The following IPCEF1 variants were observed in gnomAD, a reference collection of about 807,000 sequenced individuals.
IPCEF1 encodes interaction protein for cytohesin exchange factors 1.
A neutral mutation model predicts 50.9 loss-of-function variants in IPCEF1; 31 were observed. The observed-to-expected ratio is 0.61, with a 90% confidence interval of 0.46 to 0.82. The LOEUF is 0.82. Ranked by LOEUF, IPCEF1 falls within the 40% of genes least tolerant of loss-of-function variation. The pLI is 0.00. For missense variants in IPCEF1, 458 were observed against 514.0 expected (o/e 0.89, Z 1.05); for synonymous variants, 181 against 192.0 (o/e 0.94, Z 0.47).
At chr6:154,259,506 GC>G (rs1393365441) in intron 3 of IPCEF1, among the ~76,000 whole-genome samples, 1 of 152,050 alleles carries the variant, frequency 6.6e-6, no homozygotes, top group Non-Finnish European at 1.5e-5. Flanking sequence ...TACAAAATTA[GC>G]CGGGCGTGGT....
In IPCEF1 at chr6:154,193,816, C is replaced by T. The variant is rs746374777; in HGVS notation, c.910+5852G>A. ...ATTAATTTAGAAATGACCCCAGCATCAAACATGACAATACTCCCTATTTTT... is the reference window on the plus strand; with the variant it reads ...ATTAATTTAGAAATGACCCCAGCATTAAACATGACAATACTCCCTATTTTT... On this transcript the variant is annotated intron_variant, in intron 10 of 11. Coordinates refer to ENST00000367220, the MANE Select transcript of IPCEF1 (RefSeq NM_001130700.2). Among the ~76,000 whole-genome samples, 92 of 152,344 alleles carry T rather than the reference C, an allele frequency of 6.0e-4. 1 individual carries two copies. The highest frequency in any genetic ancestry group is 1.2e-3 in the Non-Finnish European group (81 of 68,028).
At position 154,247,403 on chromosome 6, in the gene IPCEF1, C is replaced by G. The variant is rs774793037; in HGVS notation, c.76+46G>C. On this transcript the variant is annotated intron_variant, in intron 4 of 11. Coordinates refer to ENST00000367220, the MANE Select transcript of IPCEF1 (RefSeq NM_001130700.2). Reference sequence around the variant, plus strand: ...AGGCACCCCGGAGAAAAGCCACACTCAACGTACACAAAATGGAGATAAAGA... The same window carrying G: ...AGGCACCCCGGAGAAAAGCCACACTGAACGTACACAAAATGGAGATAAAGA... The G allele has an allele frequency of 5.9e-6, 9 of 1,526,128 alleles. No individual in the cohort carries two copies. The East Asian group carries it at 2.0e-4, about 34-fold the overall frequency. The allele number at this position is 1,526,128 out of a possible 1,614,324, so 94.5% of individuals were successfully genotyped here.
intron 1 of IPCEF1, among the ~76,000 whole-genome samples, chr6:154,316,310 C>T (rs77267984): frequency 0.051 from 7,752 of 152,186 alleles, 267 homozygotes; most frequent in Non-Finnish European, 0.076. Flanking sequence ...CTTTTATATG[C>T]ACTGGGAAAC....
chr6:154,190,098 A>G (rs1454764210), intron 10 of IPCEF1, among the ~76,000 whole-genome samples: 1 of 152,184 alleles, frequency 6.6e-6, no homozygotes, highest in Non-Finnish European at 1.5e-5. Flanking sequence ...TACTTCCTAT[A>G]CTTATATTGA....
chr6:154,173,911 G>T (rs2128559502), intron 10 of IPCEF1, among the ~76,000 whole-genome samples: 1 of 152,262 alleles, frequency 6.6e-6, no homozygotes, highest in Admixed American at 6.5e-5. Flanking sequence ...AATGTTAAGG[G>T]CAGTCAGAGA....
chr6:154,192,123 C>A (rs4354165), intron 10 of IPCEF1, among the ~76,000 whole-genome samples: 14,404 of 152,246 alleles, frequency 0.095, 1,077 homozygotes, highest in African/African-American at 0.21. Flanking sequence ...TAGGGGTATA[C>A]ACCTGGAAGT....
rs530289260 is a variant in IPCEF1 at position 154,304,327 on chromosome 6, G to A, written c.-61-14571C>T. Reference sequence around the variant, plus strand: ...GAACAAAAGTCTGCTCTTCCTTAAAGAGTATAGTATTCGTGCCAATTTTTT... The same window carrying A: ...GAACAAAAGTCTGCTCTTCCTTAAAAAGTATAGTATTCGTGCCAATTTTTT... On this transcript the variant is annotated intron_variant, in intron 1 of 11. Coordinates refer to ENST00000367220, the MANE Select transcript of IPCEF1 (RefSeq NM_001130700.2). 1.1e-4 allele frequency among the ~76,000 whole-genome samples: 16 copies of A among 152,308 alleles called. 1 individual carries two copies. In the South Asian group the frequency reaches 3.3e-3, roughly 32 times the overall value.
At chr6:154,304,740 T>C (rs1232027900) in intron 1 of IPCEF1, among the ~76,000 whole-genome samples, 4 of 152,150 alleles carry the variant, frequency 2.6e-5, no homozygotes, top group African/African-American at 4.8e-5. Context: ...ACCTGGGAAA[T>C]TTCCTGCCTG....
chr6:154,211,353 G>A (rs764920664), intron 9 of IPCEF1, among the ~76,000 whole-genome samples: 23 of 151,616 alleles, frequency 1.5e-4, no homozygotes, highest in African/African-American at 1.9e-4. Context: ...AGCTTGCAGT[G>A]AGCCAAGATT....
At chr6:154,310,590 T>A (rs564972034) in intron 1 of IPCEF1, among the ~76,000 whole-genome samples, 1 of 152,218 alleles carries the variant, frequency 6.6e-6, no homozygotes, top group Non-Finnish European at 1.5e-5. Flanking sequence ...TGTACTCCCA[T>A]GTTTATTTCA....
At chr6:154,164,279 C>T (rs1239745646) in intron 11 of IPCEF1, among the ~76,000 whole-genome samples, 2 of 152,184 alleles carry the variant, frequency 1.3e-5, no homozygotes, top group Non-Finnish European at 2.9e-5. Flanking sequence ...GTCTCTTCAA[C>T]TTTGGGCATT....
intron 2 of IPCEF1, among the ~76,000 whole-genome samples, chr6:154,270,158 A>T (rs894976209): frequency 6.6e-6 from 1 of 152,236 alleles, no homozygotes; most frequent in African/African-American, 2.4e-5. Flanking sequence ...AAAATAGATA[A>T]GACCCTAACG....
At chr6:154,251,996 G>A (rs912569333) in intron 3 of IPCEF1, among the ~76,000 whole-genome samples, 12 of 152,198 alleles carry the variant, frequency 7.9e-5, no homozygotes, top group African/African-American at 2.9e-4. Context: ...TGTTTCAGCA[G>A]TAAAGATACT....
intron 1 of IPCEF1, among the ~76,000 whole-genome samples, chr6:154,320,393 A>T (rs1175021629): frequency 6.6e-6 from 1 of 152,214 alleles, no homozygotes; most frequent in Non-Finnish European, 1.5e-5. Flanking sequence ...GGAGAAAATA[A>T]AAAGAGATGA....
At chr6:154,198,823 G>C (rs1428555071) in intron 10 of IPCEF1, among the ~76,000 whole-genome samples, 1 of 152,132 alleles carries the variant, frequency 6.6e-6, no homozygotes, top group African/African-American at 2.4e-5. Flanking sequence ...ACTCTGGCAA[G>C]TGATTATGAG....
intron 4 of IPCEF1, 39 bp downstream of exon 4, chr6:154,247,410 C>T (rs775355178): frequency 1.9e-6 from 3 of 1,570,280 alleles, no homozygotes; most frequent in Non-Finnish European, 2.6e-6. Flanking sequence ...ACTCAACGTA[C>T]ACAAAATGGA....
chr6:154,310,649 T>C (rs532318277), intron 1 of IPCEF1, among the ~76,000 whole-genome samples: 2 of 152,310 alleles, frequency 1.3e-5, no homozygotes, highest in Admixed American at 6.5e-5. Flanking sequence ...GGTATGTATA[T>C]ACACATGGAA....
chr6:154,258,737 G>A (rs771232942), intron 3 of IPCEF1, among the ~76,000 whole-genome samples: 7 of 152,008 alleles, frequency 4.6e-5, no homozygotes, highest in Non-Finnish European at 1.0e-4. Context: ...TGGACTCCCC[G>A]TCTACAGTCT....
Position 154,155,838 on chromosome 6 carries a change from A to G in IPCEF1, c.*3990T>C, listed in dbSNP as rs961896997. ...AGATAATGTACCTATGAATTTAAAC[A>G]TGTCTTAAATTTGAATAGCACTTCT... is the stretch of plus-strand genomic sequence containing the variant. On this transcript the variant is annotated 3_prime_UTR_variant, in exon 12 of 12. Coordinates refer to ENST00000367220, the MANE Select transcript of IPCEF1 (RefSeq NM_001130700.2). 1.3e-5 allele frequency: 2 copies of G among 152,240 alleles called. No homozygotes were observed. The highest frequency in any genetic ancestry group is 4.8e-5 in the African/African-American group (2 of 41,466). The allele number at this position is 152,240 out of a possible 1,614,324, so 9.4% of individuals were successfully genotyped here.
Sources: gnomAD v4.1 joint callset for allele counts (sites outside exome capture counted in the v4.1 genomes callset) on GRCh38, gnomAD v4.1.1 for gene constraint, MANE v1.5 for transcripts, NCBI Gene and HGNC (gene_info 2026-07-23, HGNC 2026-07-21) for gene names.